MRPL45: variants seen among roughly 807,000 people sequenced by gnomAD.
MRPL45 encodes mitochondrial ribosomal protein L45, also known as large ribosomal subunit protein mL45.
MRPL45 carries 20 observed loss-of-function variants against 38.1 expected under a neutral mutation model. The ratio of observed to expected loss-of-function variants is 0.53; its 90% CI spans 0.37 to 0.76. The LOEUF is 0.76. Ranked by LOEUF, MRPL45 falls within the 30% of genes least tolerant of loss-of-function variation. MRPL45 has a pLI of 0.00. For missense variants in MRPL45, 337 were observed against 395.6 expected, an observed-to-expected ratio of 0.85 and a Z score of 1.26; for synonymous variants, 105 against 128.8, an observed-to-expected ratio of 0.82 and a Z score of 1.25.
chr17:38,311,799 T>G (rs1288726378), intron 4 of MRPL45, among the ~76,000 whole-genome samples: 1 of 152,000 alleles, frequency 6.6e-6, no homozygotes, highest in African/African-American at 2.4e-5. Context: ...GACACCAAAT[T>G]TGCCAGTGTC....
In MRPL45 at chr17:38,320,779, C is replaced by T. The variant is rs139640591; in HGVS notation, c.660+12C>T. The T allele has an allele frequency of 9.3e-4, 1,495 of 1,613,176 alleles. 16 individuals carry two copies. In the East Asian group the frequency reaches 0.028, roughly 30 times the overall value. On this transcript the variant is annotated intron_variant, in intron 6 of 7. Coordinates refer to ENST00000613675, the MANE Select transcript of MRPL45 (RefSeq NM_032351.6). ...TGCACACCCGGCAGGTAGAGGCACT[C>T]GTCTGCCTTCCTCCCAGCTTTTTTT...
chr17:38,316,146 G>T (rs1357841898), intron 4 of MRPL45, among the ~76,000 whole-genome samples: 1 of 151,742 alleles, frequency 6.6e-6, no homozygotes, highest in East Asian at 1.9e-4. Context: ...ATGTGTATTT[G>T]GTATACTTGA....
intron 4 of MRPL45, among the ~76,000 whole-genome samples, chr17:38,310,881 G>A (rs1365783465): frequency 6.6e-6 from 1 of 152,144 alleles, no homozygotes; most frequent in Non-Finnish European, 1.5e-5. Context: ...GCCTCCCAAA[G>A]TGTTGGTACA....
At chr17:38,319,900 A>G (rs2037213098) in intron 5 of MRPL45, among the ~76,000 whole-genome samples, 1 of 152,152 alleles carries the variant, frequency 6.6e-6, no homozygotes, top group Non-Finnish European at 1.5e-5. Context: ...CAGGAGATCA[A>G]GACCATCCTG....
chr17:38,323,112 T>A lies in MRPL45; in HGVS notation c.*517T>A, dbSNP rs2037247840. 1 of 153,998 alleles carries A rather than the reference T, an allele frequency of 6.5e-6. No individual in the cohort carries two copies. Among genetic ancestry groups the A allele is most frequent in the African/African-American group, 2.4e-5 (1 of 41,472 alleles). 9.5% of individuals were successfully genotyped at this position (153,998 alleles called of 1,614,324 possible). Reference sequence around the variant, plus strand: ...ATGAAGACTGGGGAAGAATAATTAGTGTTTATAAGACATTTAAGAGGCCCT... The same window carrying A: ...ATGAAGACTGGGGAAGAATAATTAGAGTTTATAAGACATTTAAGAGGCCCT... On this transcript the variant is annotated 3_prime_UTR_variant, in exon 8 of 8. Coordinates refer to ENST00000613675, the MANE Select transcript of MRPL45 (RefSeq NM_032351.6).
chr17:38,318,839 T>TTTG, intron 5 of MRPL45, 104 bp downstream of exon 5: 11 of 643,526 alleles, frequency 1.7e-5, no homozygotes, highest in Admixed American at 2.9e-5. Context: ...TTTTTTTTTT[T>TTTG]TTTTTGAGAC....
chr17:38,321,016 A>C, intron 6 of MRPL45, among the ~76,000 whole-genome samples: 2 of 150,336 alleles, frequency 1.3e-5, no homozygotes, highest in Admixed American at 1.3e-4. Context: ...TCATTCTGTC[A>C]CCCAGGCTGG....
chr17:38,317,452 G>A lies in MRPL45; in HGVS notation c.462-1235G>A, dbSNP rs80201212. On this transcript the variant is annotated intron_variant, in intron 4 of 7. Coordinates refer to ENST00000613675, the MANE Select transcript of MRPL45 (RefSeq NM_032351.6). ...GCTCATAGTAAACTGGGGAAAAGTC[G>A]TGTGTATCTGAAAGAAGCTAATCTA... Among the ~76,000 whole-genome samples, 929 of 152,272 alleles carry A rather than the reference G, an allele frequency of 6.1e-3. 7 individuals carry two copies. Among genetic ancestry groups the A allele is most frequent in the African/African-American group, 0.022 (898 of 41,574 alleles).
chr17:38,317,870 G>A (rs1406975414), intron 4 of MRPL45, among the ~76,000 whole-genome samples: 1 of 151,848 alleles, frequency 6.6e-6, no homozygotes, highest in South Asian at 2.1e-4. Context: ...ACCATGCCCG[G>A]CTGTTTTGTG....
At chr17:38,321,643 A>G (rs537290091) in intron 6 of MRPL45, among the ~76,000 whole-genome samples, 191 of 151,866 alleles carry the variant, frequency 1.3e-3, no homozygotes, top group Middle Eastern at 3.4e-3. Context: ...GTGAGACGAT[A>G]CCGTACCACT....
Position 38,322,357 on chromosome 17 carries a change from A to T in MRPL45, c.834+58A>T, listed in dbSNP as rs2037239633. The T allele has an allele frequency of 4.1e-6, 6 of 1,447,166 alleles. No individual in the cohort carries two copies. The Admixed American group carries it at 8.0e-5, about 19-fold the overall frequency. The allele number at this position is 1,447,166 out of a possible 1,614,324, so 89.6% of individuals were successfully genotyped here. A position where few individuals can be genotyped will look rare whatever the true frequency, so the allele number is the denominator to read the frequency against. On this transcript the variant is annotated intron_variant, in intron 7 of 7. Coordinates refer to ENST00000613675, the MANE Select transcript of MRPL45 (RefSeq NM_032351.6). ...GGCACTACTCGTGGTCTCCTAAGCCACTCTGTCGGGCTCCACCTAGTGGCG... is the reference window on the plus strand; with the variant it reads ...GGCACTACTCGTGGTCTCCTAAGCCTCTCTGTCGGGCTCCACCTAGTGGCG...
In MRPL45 at chr17:38,322,599, C is replaced by T; in HGVS notation, c.*4C>T. 1 of 1,609,994 alleles carries T rather than the reference C, an allele frequency of 6.2e-7. No homozygotes were observed. Among genetic ancestry groups the T allele is most frequent in the East Asian group, 2.2e-5 (1 of 44,858 alleles). ...CCAGAAGCCTCAGCTAGCCTGATGA[C>T]AAAAATGACTTCTAGGGTGAAGCCT... On this transcript the variant is annotated 3_prime_UTR_variant, in exon 8 of 8. Transcript: ENST00000613675.
chr17:38,316,024 C>G (rs111234367), intron 4 of MRPL45, among the ~76,000 whole-genome samples: 4 of 152,116 alleles, frequency 2.6e-5, no homozygotes, highest in Non-Finnish European at 4.4e-5. Context: ...ATCCACCCAC[C>G]TTGGCCTCCC....
chr17:38,320,531 C>T, intron 5 of MRPL45, 87 bp from the exon 6 acceptor site: 2 of 1,414,120 alleles, frequency 1.4e-6, no homozygotes, highest in Non-Finnish European at 2.0e-6. Context: ...TGGCTGTAGT[C>T]TTGCAGGAAG....
At position 38,322,279 on chromosome 17, in the gene MRPL45, C is replaced by G. The variant is rs748746743; in HGVS notation, c.814C>G (p.Pro272Ala). The change falls in exon 7 of 8, where the codon CCT (proline) becomes GCT (alanine). Residue 272 changes from proline to alanine, a missense_variant. Physicochemically the swap from Pro to Ala is conservative, Grantham distance 27. This residue lies in a region of MRPL45 where 251 missense variants were observed against 269.1 expected (regional missense o/e 0.93). Transcript: ENST00000613675. ...HTKIVPPWAPPKQPILKTVMI... is the reference protein window; with the variant it reads ...HTKIVPPWAPAKQPILKTVMI... ...CAAGATCGTTCCCCCATGGGCACCCCCTAAGCAGCCCATCCTTAAGGTAAG... is the reference window on the plus strand; with the variant it reads ...CAAGATCGTTCCCCCATGGGCACCCGCTAAGCAGCCCATCCTTAAGGTAAG... 7 of 1,614,006 alleles carry G rather than the reference C, an allele frequency of 4.3e-6. No individual in the cohort carries two copies. The Admixed American group carries it at 5.0e-5, about 12-fold the overall frequency.
At chr17:38,320,491 A>G in intron 5 of MRPL45, 127 bp from the exon 6 acceptor site, 1 of 932,650 alleles carries the variant, frequency 1.1e-6, no homozygotes, top group East Asian at 2.4e-5. Flanking sequence ...TAGGCACAAG[A>G]GAGCATGTGG....
At chr17:38,299,679 G>C (rs2036972670) in intron 3 of MRPL45, among the ~76,000 whole-genome samples, 1 of 150,776 alleles carries the variant, frequency 6.6e-6, no homozygotes, top group South Asian at 2.1e-4. Flanking sequence ...GGTAATTTTT[G>C]TCATATCAGT....
intron 4 of MRPL45, among the ~76,000 whole-genome samples, chr17:38,316,295 C>T (rs1439241247): frequency 3.3e-5 from 5 of 151,982 alleles, no homozygotes; most frequent in Admixed American, 3.3e-4. Context: ...CTGTTGAACC[C>T]CTCTAGTGAA....
chr17:38,316,091 T>A (rs140759078), intron 4 of MRPL45, among the ~76,000 whole-genome samples: 250 of 152,216 alleles, frequency 1.6e-3, no homozygotes, highest in Non-Finnish European at 2.6e-3. Context: ...TTTCTTCAAA[T>A]TTTTTTTCTA....
Sources: allele counts gnomAD v4.1 joint callset (sites outside exome capture counted in the v4.1 genomes callset), GRCh38; gene constraint gnomAD v4.1.1; regional missense constraint gnomAD v4.1.1; transcripts MANE v1.5; gene names NCBI Gene and HGNC (gene_info 2026-07-23, HGNC 2026-07-21).